The following FLACC1 variants were observed in gnomAD, a reference collection of about 807,000 sequenced individuals.
FLACC1 encodes the protein flagellum associated containing coiled-coil domains 1.
A neutral mutation model predicts 62.8 loss-of-function variants in FLACC1; 66 were observed. The observed-to-expected ratio is 1.05, with a 90% CI of 0.86 to 1.29. The LOEUF (loss-of-function observed/expected upper bound fraction) is 1.29, where lower values mean the gene tolerates loss of function less well. Ranked by LOEUF, FLACC1 falls within the 50% of genes most tolerant of loss-of-function variation. FLACC1 has a pLI of 0.00. For synonymous variants in FLACC1, 156 were observed against 161.0 expected (o/e 0.97, Z 0.24); for missense variants, 452 against 489.1 (o/e 0.92, Z 0.71).
chr2:201,288,890 GTC>G, intron 14 of FLACC1, 109 bp from the exon 15 acceptor site: 2 of 1,268,054 alleles, frequency 1.6e-6, no homozygotes, highest in Non-Finnish European at 2.2e-6. Context: ...CACCACAGCA[GTC>G]TCTCACTCAT....
At position 201,349,454 on chromosome 2, in the gene FLACC1, G is replaced by A. The variant is rs562949127; in HGVS notation, c.186-1152C>T. Among the ~76,000 whole-genome samples the A allele has an allele frequency of 9.9e-5, 15 of 152,166 alleles. 1 individual carries two copies. The South Asian group carries it at 2.5e-3, about 25-fold the overall frequency. On this transcript the variant is annotated intron_variant, in intron 3 of 14. Coordinates refer to ENST00000392257, the MANE Select transcript of FLACC1 (RefSeq NM_001127391.3). ...TTTCTATGTAGCACTTGCCAACCTC[G>A]GATGTAATAACTAGTTTATGGTCCT...
rs544216696 is a variant in FLACC1 at position 201,326,237 on chromosome 2, C to A, written c.675+4233G>T. Among the ~76,000 whole-genome samples, 70 of 152,262 alleles carry A rather than the reference C, an allele frequency of 4.6e-4. No individual in the cohort carries two copies. The highest frequency in any genetic ancestry group is 8.7e-4 in the Non-Finnish European group (59 of 68,018). ...TGAATGGAAAAAAGTTGAAAGCATT[C>A]CCCTTGAGAACCGGAACAAGACAAG... On this transcript the variant is annotated intron_variant, in intron 9 of 14. Transcript: ENST00000392257. The surrounding 1 kb of genome is among the most constrained non-coding windows in gnomAD (Gnocchi z 4.1).
At position 201,350,802 on chromosome 2, in the gene FLACC1, A is replaced by G; in HGVS notation, c.114-20T>C. ...GTTAGCCTGAAAGTGAAAAACAAAT[A>G]ACTAAAACAAGAACATTGGAAATTC... On this transcript the variant is annotated intron_variant, in intron 2 of 14. Coordinates refer to ENST00000392257, the MANE Select transcript of FLACC1 (RefSeq NM_001127391.3). 4.4e-6 allele frequency: 7 copies of G among 1,596,576 alleles called. No individual in the cohort carries two copies. Among genetic ancestry groups the G allele is most frequent in the Non-Finnish European group, 6.0e-6 (7 of 1,164,574 alleles).
chr2:201,291,331 T>C (rs7587417), intron 12 of FLACC1, among the ~76,000 whole-genome samples: 82,097 of 152,010 alleles, frequency 0.54, 23,061 homozygotes, highest in East Asian at 0.68. Context: ...GACAAAACTT[T>C]CAGAGGAACA....
At chr2:201,314,890 T>C (rs1260209222) in intron 9 of FLACC1, among the ~76,000 whole-genome samples, 2 of 152,138 alleles carry the variant, frequency 1.3e-5, no homozygotes, top group Non-Finnish European at 2.9e-5. Flanking sequence ...TTCAGCCTCC[T>C]TAAACAAAAC....
intron 6 of FLACC1, 41 bp downstream of exon 6, chr2:201,344,129 A>G: frequency 1.3e-6 from 2 of 1,523,058 alleles, no homozygotes; most frequent in Non-Finnish European, 1.8e-6. Context: ...TATTAATTTT[A>G]TTTTGTCCAT....
Position 201,330,792 on chromosome 2 carries a change from T to G in FLACC1, c.566A>C (p.Glu189Ala), listed in dbSNP as rs147419111. The change falls in exon 8 of 15, where the codon GAG (glutamate) becomes GCG (alanine). Residue 189 changes from glutamate to alanine, a missense_variant. By Grantham distance (107) the Glu-to-Ala change is moderately radical (BLOSUM62 -1). Around this residue, in one of 3 missense-constraint regions of FLACC1, gnomAD observed 301 missense variants for 318.4 expected, o/e 0.95. Transcript: ENST00000392257. ...EAHEAELSEL[E>A]NNYKAALKAE... ...CTTCAAGGCTGCTTTGTAGTTGTTCTCCAACTCACTGAGTTCTGCTTCATG... is the reference window on the plus strand; with the variant it reads ...CTTCAAGGCTGCTTTGTAGTTGTTCGCCAACTCACTGAGTTCTGCTTCATG... 120 of 1,613,850 alleles carry G rather than the reference T, an allele frequency of 7.4e-5. No homozygotes were observed. In the Middle Eastern group the frequency reaches 1.5e-3, roughly 20 times the overall value.
At chr2:201,307,302 A>T (rs1950125911) in intron 11 of FLACC1, among the ~76,000 whole-genome samples, 1 of 152,250 alleles carries the variant, frequency 6.6e-6, no homozygotes, top group Non-Finnish European at 1.5e-5. Context: ...TTTTGTTCTA[A>T]GAACCCTTTG....
At chr2:201,333,963 C>A (rs1166000749) in intron 7 of FLACC1, among the ~76,000 whole-genome samples, 3 of 152,158 alleles carry the variant, frequency 2.0e-5, no homozygotes, top group African/African-American at 7.2e-5. Context: ...AGTTCTAGAT[C>A]CCTGAGGAAT....
intron 9 of FLACC1, among the ~76,000 whole-genome samples, chr2:201,325,166 A>G (rs1430782402): frequency 6.6e-6 from 1 of 152,150 alleles, no homozygotes; most frequent in Non-Finnish European, 1.5e-5. Context: ...TCTGGGATAC[A>G]GCAAAAGCAG....
At chr2:201,337,712 G>A (rs766493352) in intron 7 of FLACC1, among the ~76,000 whole-genome samples, 3 of 151,810 alleles carry the variant, frequency 2.0e-5, no homozygotes, top group African/African-American at 2.4e-5. Flanking sequence ...TTGTGTAGAC[G>A]GTGTCTCGCT....
chr2:201,303,789 A>G (rs1196576345), intron 11 of FLACC1, among the ~76,000 whole-genome samples: 1 of 152,230 alleles, frequency 6.6e-6, no homozygotes, highest in Non-Finnish European at 1.5e-5. Context: ...GCAAATCAAT[A>G]AACGTAATCC....
intron 1 of FLACC1, among the ~76,000 whole-genome samples, chr2:201,354,751 G>A (rs1951087727): frequency 6.6e-6 from 1 of 152,224 alleles, no homozygotes; most frequent in Non-Finnish European, 1.5e-5. Context: ...CCCTGAACTT[G>A]GGAGATTTAG....
intron 9 of FLACC1, among the ~76,000 whole-genome samples, chr2:201,311,105 A>G (rs1422579810): frequency 6.6e-6 from 1 of 152,016 alleles, no homozygotes; most frequent in African/African-American, 2.4e-5. Context: ...TTGAAACCCC[A>G]AATAGACAAT....
chr2:201,352,280 G>A (rs898802310), intron 1 of FLACC1, among the ~76,000 whole-genome samples: 7 of 152,054 alleles, frequency 4.6e-5, no homozygotes, highest in Non-Finnish European at 7.4e-5. Context: ...GAATCTCCTC[G>A]TTTCTCATTC....
At chr2:201,311,746 C>A (rs556255228) in intron 9 of FLACC1, among the ~76,000 whole-genome samples, 1 of 150,770 alleles carries the variant, frequency 6.6e-6, no homozygotes, top group South Asian at 2.1e-4. Context: ...AAGTAGGCTT[C>A]ATTCTCACAA....
In FLACC1 at chr2:201,288,551, T is replaced by TA. The variant is rs774181751; in HGVS notation, c.*103dup. 2 of 1,417,138 alleles carry TA rather than the reference T, an allele frequency of 1.4e-6. No homozygotes were observed. Among genetic ancestry groups the TA allele is most frequent in the Non-Finnish European group, 1.9e-6 (2 of 1,046,426 alleles). 87.8% of individuals were successfully genotyped at this position (1,417,138 alleles called of 1,614,324 possible). On this transcript the variant is annotated 3_prime_UTR_variant, in exon 15 of 15. Coordinates refer to ENST00000392257, the MANE Select transcript of FLACC1 (RefSeq NM_001127391.3). ...CAGAGAGTCAGAGCAACCCAAGAAC[T>TA]AAACTCATTATATGCATTTTCTCAA... is the stretch of plus-strand genomic sequence containing the variant.
intron 9 of FLACC1, among the ~76,000 whole-genome samples, chr2:201,330,080 C>T (rs985564707): frequency 2.6e-5 from 4 of 152,066 alleles, no homozygotes; most frequent in African/African-American, 9.7e-5. Context: ...TTCTTATATG[C>T]TTGATAAAGA....
rs533192462 is a variant in FLACC1 at position 201,321,143 on chromosome 2, C to T, written c.675+9327G>A. Reference sequence around the variant, plus strand: ...GACTCTCACAGAGTCTATTACCCTGCCACGCCCATTAGAACTGGTGCTGCT... The same window carrying T: ...GACTCTCACAGAGTCTATTACCCTGTCACGCCCATTAGAACTGGTGCTGCT... On this transcript the variant is annotated intron_variant, in intron 9 of 14. Coordinates refer to ENST00000392257, the MANE Select transcript of FLACC1 (RefSeq NM_001127391.3). 7.2e-5 allele frequency among the ~76,000 whole-genome samples: 11 copies of T among 152,310 alleles called. No individual in the cohort carries two copies. In the East Asian group the frequency reaches 1.9e-3, roughly 27 times the overall value.
Sources: allele counts gnomAD v4.1 joint callset (sites outside exome capture counted in the v4.1 genomes callset), GRCh38; gene constraint gnomAD v4.1.1; regional missense constraint gnomAD v4.1.1; non-coding constraint Gnocchi (gnomAD v3.1); transcripts MANE v1.5; gene names NCBI Gene and HGNC (gene_info 2026-07-23, HGNC 2026-07-21).